ENDOV: variants seen among roughly 807,000 people sequenced by gnomAD.
ENDOV encodes the protein endonuclease V, also known as hEndoV.
ENDOV carries 37 observed loss-of-function variants against 39.4 expected under a neutral mutation model. The ratio of observed to expected loss-of-function variants is 0.94; its 90% CI spans 0.72 to 1.23. The LOEUF is 1.23. Among genes scored for constraint, ENDOV ranks in the 50% most tolerant of loss-of-function variants. The probability of loss-of-function intolerance (pLI) is 0.00; values close to 1 mark genes in which losing one functional copy is unlikely to be tolerated. For synonymous variants in ENDOV, 186 were observed against 163.4 expected, an observed-to-expected ratio of 1.14 and a Z score of -1.05; for missense variants, 441 against 375.7, an observed-to-expected ratio of 1.17 and a Z score of -1.44.
chr17:80,428,437 G>A (rs1301778656), intron 7 of ENDOV, 159 bp from the exon 8 acceptor site: 5 of 689,184 alleles, frequency 7.3e-6, no homozygotes, highest in South Asian at 5.6e-5. Flanking sequence ...TCCCACACTC[G>A]CTGACAGGGC....
At chr17:80,433,668 C>G (rs1712274742) in intron 9 of ENDOV, among the ~76,000 whole-genome samples, 1 of 152,226 alleles carries the variant, frequency 6.6e-6, no homozygotes. Flanking sequence ...AGAGCAGTAG[C>G]TTCAACCCCA....
chr17:80,430,165 G>C, intron 9 of ENDOV: 1 of 1,502,302 alleles, frequency 6.7e-7, no homozygotes, highest in South Asian at 1.3e-5. Flanking sequence ...CGGCTGGTCA[G>C]CTGTGGTCAC....
At position 80,437,228 on chromosome 17, in the gene ENDOV, C is replaced by G. The variant is rs1441126537; in HGVS notation, c.*1085C>G. ...GAGTGCAGGGCACCTGCTGAGGACT[C>G]ACCTAAGCCCAAGAGTCAGAGAGTC... On this transcript the variant is annotated 3_prime_UTR_variant, in exon 10 of 10. Coordinates refer to ENST00000518137, the MANE Select transcript of ENDOV (RefSeq NM_173627.5). 6.5e-6 allele frequency: 1 copy of G among 152,690 alleles called. No individual in the cohort carries two copies. Among genetic ancestry groups the G allele is most frequent in the African/African-American group, 2.4e-5 (1 of 41,448 alleles). The allele number at this position is 152,690 out of a possible 1,614,324, so 9.5% of individuals were successfully genotyped here.
Position 80,419,522 on chromosome 17 carries a change from A to G in ENDOV, c.229-2306A>G, listed in dbSNP as rs1022470340. The stretch of plus-strand genomic sequence containing the variant: ...CCTGTTGTGTGCTGGACGCTGAGCA[A>G]TGGCTAGTGTGTTCTGCTCCGCAGG... On this transcript the variant is annotated intron_variant, in intron 2 of 9. Coordinates refer to ENST00000518137, the MANE Select transcript of ENDOV (RefSeq NM_173627.5). 11 of 693,260 alleles carry G rather than the reference A, an allele frequency of 1.6e-5. No homozygotes were observed. In the Admixed American group the frequency reaches 2.0e-4, roughly 13 times the overall value. The allele number at this position is 693,260 out of a possible 1,614,324, so 42.9% of individuals were successfully genotyped here.
chr17:80,434,455 A>G (rs1033521483), intron 9 of ENDOV, among the ~76,000 whole-genome samples: 1 of 152,186 alleles, frequency 6.6e-6, no homozygotes, highest in Middle Eastern at 3.2e-3. Context: ...TTGGGTATAT[A>G]TACCTAGGAG....
chr17:80,422,325 A>G (rs1403523429), intron 4 of ENDOV, 80 bp downstream of exon 4: 5 of 1,546,696 alleles, frequency 3.2e-6, no homozygotes, highest in Non-Finnish European at 4.4e-6. Flanking sequence ...TCCCCCACAG[A>G]AAATGCTGGG....
chr17:80,423,134 A>G (rs770700983), intron 4 of ENDOV, among the ~76,000 whole-genome samples: 1 of 152,202 alleles, frequency 6.6e-6, no homozygotes, highest in Non-Finnish European at 1.5e-5. Flanking sequence ...GCCCTCGCAC[A>G]TGGGTGCAGA....
At chr17:80,433,518 G>A (rs1251952703) in intron 9 of ENDOV, among the ~76,000 whole-genome samples, 1 of 152,254 alleles carries the variant, frequency 6.6e-6, no homozygotes, top group Non-Finnish European at 1.5e-5. Flanking sequence ...GGGAGGCCTG[G>A]CTGCCCCCTT....
At chr17:80,418,144 C>G (rs557160371) in intron 2 of ENDOV, 3 of 152,332 alleles carry the variant, frequency 2.0e-5, no homozygotes, top group South Asian at 4.1e-4. Context: ...CCTGACTACT[C>G]ATGCTCACAC....
chr17:80,421,225 C>T (rs893207851), intron 2 of ENDOV, among the ~76,000 whole-genome samples: 2 of 151,638 alleles, frequency 1.3e-5, no homozygotes, highest in African/African-American at 4.9e-5. Context: ...AATCCTTCTA[C>T]AGTCTAGGCT....
In ENDOV at chr17:80,425,621, G is replaced by A. The variant is rs1362038826; in HGVS notation, c.714+1G>A. On this transcript the variant is annotated splice_donor_variant, in intron 7 of 9. Transcript: ENST00000518137. LOFTEE classifies it high-confidence loss of function. Reference sequence around the variant, plus strand: ...CCGGATCCCAGAGCCCGTGCGCCAGGTGGGTGTGCTGGGGATGCGGGGAGG... The same window carrying A: ...CCGGATCCCAGAGCCCGTGCGCCAGATGGGTGTGCTGGGGATGCGGGGAGG... 2 of 1,580,234 alleles carry A rather than the reference G, an allele frequency of 1.3e-6. No homozygotes were observed. The highest frequency in any genetic ancestry group is 2.3e-5 in the East Asian group (1 of 43,662).
rs1216770389 is a variant in ENDOV, at chr17:80,437,080, A to C, written c.*937A>C. 6.6e-6 allele frequency: 1 copy of C among 152,370 alleles called. No homozygotes were observed. Among genetic ancestry groups the C allele is most frequent in the Non-Finnish European group, 1.5e-5 (1 of 68,016 alleles). The allele number at this position is 152,370 out of a possible 1,614,324, so 9.4% of individuals were successfully genotyped here. A position where few individuals can be genotyped will look rare whatever the true frequency, so the allele number is the denominator to read the frequency against. ...GGTCTCTGAGAACGTCCCTGCCTTCACTCCTGCTTTTAGTCACTGGCATCT... is the reference window on the plus strand; with the variant it reads ...GGTCTCTGAGAACGTCCCTGCCTTCCCTCCTGCTTTTAGTCACTGGCATCT... On this transcript the variant is annotated 3_prime_UTR_variant, in exon 10 of 10. Transcript: ENST00000518137.
chr17:80,416,397 TC>T (rs574643108), intron 2 of ENDOV: 147 of 153,348 alleles, frequency 9.6e-4, no homozygotes, highest in Non-Finnish European at 1.9e-3. Flanking sequence ...TCCACCACGC[TC>T]CCAGTTGCCC....
intron 7 of ENDOV, among the ~76,000 whole-genome samples, 193 bp downstream of exon 7, chr17:80,425,813 G>C (rs2082629602): frequency 6.6e-6 from 1 of 152,154 alleles, no homozygotes; most frequent in Admixed American, 6.5e-5. Context: ...AGTAGACTGG[G>C]GGGTGCAGGG....
chr17:80,426,251 C>G (rs1262280153), intron 7 of ENDOV, among the ~76,000 whole-genome samples: 1 of 152,180 alleles, frequency 6.6e-6, no homozygotes, highest in Non-Finnish European at 1.5e-5. Context: ...GGATGCTGTC[C>G]CAGAGAAGCC....
rs933853580 is a variant in ENDOV at position 80,435,246 on chromosome 17, C to T, written c.839-887C>T. On this transcript the variant is annotated intron_variant, in intron 9 of 9. Coordinates refer to ENST00000518137, the MANE Select transcript of ENDOV (RefSeq NM_173627.5). ...AGTTTTTAAATTTGATGAAGTCCAT[C>T]TATTTTGTTGCTTATGCTTTTGATG... 5.9e-5 allele frequency among the ~76,000 whole-genome samples: 9 copies of T among 152,272 alleles called. No homozygotes were observed. In the East Asian group the frequency reaches 1.7e-3, roughly 29 times the overall value.
At chr17:80,415,529 T>C in intron 1 of ENDOV, 121 bp from the exon 2 acceptor site, 2 of 1,314,476 alleles carry the variant, frequency 1.5e-6, no homozygotes, top group South Asian at 1.4e-5. Context: ...GTATGTCCCT[T>C]GCTTTCCCTT....
chr17:80,421,928 A>T lies in ENDOV; in HGVS notation c.329A>T (p.Gln110Leu), dbSNP rs754864364. The T allele has an allele frequency of 8.1e-6, 13 of 1,611,288 alleles. 1 individual carries two copies. The South Asian group carries it at 1.3e-4, about 16-fold the overall frequency. ...CCCTTCTTGCTGGAGCTGGTGCAGC[A>T]GCTGCGGGAGAAGGAGCCGGGCCTC... ...EVPFLLELVQ[Q>L]LREKEPGLMP... Residue 110 changes from glutamine (Q) to leucine (L), a missense_variant, in exon 3 of 10, where the codon CAG becomes CTG. Gln to Leu is a moderately radical substitution (Grantham distance 113). Coordinates refer to ENST00000518137, the MANE Select transcript of ENDOV (RefSeq NM_173627.5).
chr17:80,436,014 C>A, intron 9 of ENDOV, 119 bp from the exon 10 acceptor site: 1 of 1,160,794 alleles, frequency 8.6e-7, no homozygotes, highest in Non-Finnish European at 1.2e-6. Flanking sequence ...CTCGGCCTCC[C>A]CAAGTGCTGA....
Sources: allele counts gnomAD v4.1 joint callset (sites outside exome capture counted in the v4.1 genomes callset), GRCh38; gene constraint gnomAD v4.1.1; transcripts MANE v1.5; gene names NCBI Gene and HGNC (gene_info 2026-07-23, HGNC 2026-07-21).